The following LMBRD1 variants were observed in gnomAD, a reference collection of about 807,000 sequenced individuals.
LMBRD1 encodes the protein lysosomal cobalamin transport escort protein LMBD1.
In LMBRD1, 64 loss-of-function variants were observed where a neutral mutation model predicts 74.8. That is an observed-to-expected ratio of 0.86 (90% CI 0.70 to 1.05). LMBRD1 has a LOEUF of 1.05. LMBRD1 is among the 50% of genes least tolerant of loss of function. LMBRD1 has a pLI of 0.00. For synonymous variants in LMBRD1, 204 were observed against 216.3 expected, an observed-to-expected ratio of 0.94 and a Z score of 0.50; for missense variants, 652 against 645.9, an observed-to-expected ratio of 1.01 and a Z score of -0.10.
At chr6:69,767,764 G>C (rs1765500696) in intron 3 of LMBRD1, among the ~76,000 whole-genome samples, 1 of 151,742 alleles carries the variant, frequency 6.6e-6, no homozygotes, top group African/African-American at 2.4e-5. Context: ...TGTTCTATCA[G>C]AAAACAATTA....
chr6:69,749,345 C>A lies in LMBRD1; in HGVS notation c.469G>T (p.Val157Phe), dbSNP rs765729709. 4 of 1,602,528 alleles carry A rather than the reference C, an allele frequency of 2.5e-6. No individual in the cohort carries two copies. The highest frequency in any genetic ancestry group is 3.4e-6 in the Non-Finnish European group (4 of 1,174,712). Reference protein sequence around the residue: ...FVVICALLLLVGAFVPLNVPN... With the variant: ...FVVICALLLLFGAFVPLNVPN... ...AAAAAAAAAATCAAGACTTACCCAA[C>A]TAAAAGAAGCAGTGCACAAATCACA... Residue 157 changes from valine to phenylalanine, a missense_variant, in exon 5 of 16, where the codon GTT (valine) becomes TTT (phenylalanine). This residue lies in a region of LMBRD1 where 598 missense variants were observed against 581.8 expected (regional missense o/e 1.03). Transcript: ENST00000649934.
rs1018596972 is a variant in LMBRD1 at position 69,721,200 on chromosome 6, T to G, written c.637-2119A>C. Among the ~76,000 whole-genome samples, 3 of 152,276 alleles carry G rather than the reference T, an allele frequency of 2.0e-5. No homozygotes were observed. The East Asian group carries it at 5.8e-4, about 29-fold the overall frequency. Reference sequence around the variant, plus strand: ...AGGACTGCAATTCCTAGGCAACTCCTAGTGCTAGGCTGGGCTTACAGTGGA... The same window carrying G: ...AGGACTGCAATTCCTAGGCAACTCCGAGTGCTAGGCTGGGCTTACAGTGGA... On this transcript the variant is annotated intron_variant, in intron 7 of 15. Transcript: ENST00000649934.
At chr6:69,699,831 G>A (rs1766088102) in intron 12 of LMBRD1, among the ~76,000 whole-genome samples, 1 of 151,704 alleles carries the variant, frequency 6.6e-6, no homozygotes, top group South Asian at 2.1e-4. Flanking sequence ...TTGTAGTACA[G>A]ACTCCAGTTC....
At chr6:69,741,745 A>G in intron 6 of LMBRD1, 44 bp downstream of exon 6, 2 of 1,161,006 alleles carry the variant, frequency 1.7e-6, no homozygotes, top group Non-Finnish European at 2.6e-6. Flanking sequence ...CCAAAGTATC[A>G]GGAAATATAA....
At chr6:69,796,762 C>G (rs765240455) in intron 1 of LMBRD1, 51 bp downstream of exon 1, 1 of 1,569,560 alleles carries the variant, frequency 6.4e-7, no homozygotes, top group South Asian at 1.1e-5. Flanking sequence ...GCCTGCCCCT[C>G]CCTTCCTCCC....
intron 3 of LMBRD1, among the ~76,000 whole-genome samples, chr6:69,768,622 A>G (rs1765518460): frequency 6.6e-6 from 1 of 152,008 alleles, no homozygotes; most frequent in Non-Finnish European, 1.5e-5. Flanking sequence ...TAAGAAAAGG[A>G]GAAAAAATAT....
At chr6:69,713,342 A>C (rs1482131534) in intron 9 of LMBRD1, among the ~76,000 whole-genome samples, 1 of 152,162 alleles carries the variant, frequency 6.6e-6, no homozygotes. Flanking sequence ...TAGGCTCCTA[A>C]GCTCTAAGTC....
At chr6:69,705,671 A>G (rs1163041520) in intron 9 of LMBRD1, 14 of 880,954 alleles carry the variant, frequency 1.6e-5, no homozygotes, top group Non-Finnish European at 2.4e-5. Flanking sequence ...CATCATCATC[A>G]TCATCTTCAT....
At chr6:69,754,297 C>T (rs190010311) in intron 3 of LMBRD1, among the ~76,000 whole-genome samples, 23 of 151,872 alleles carry the variant, frequency 1.5e-4, no homozygotes, top group Admixed American at 8.5e-4. Flanking sequence ...AAAAAAAATA[C>T]GGAAAAAATG....
Position 69,752,254 on chromosome 6 carries a change from C to G in LMBRD1, c.405+5G>C. 5 of 1,607,318 alleles carry G rather than the reference C, an allele frequency of 3.1e-6. No individual in the cohort carries two copies. The highest frequency in any genetic ancestry group is 4.3e-6 in the Non-Finnish European group (5 of 1,174,926). On this transcript the variant is annotated splice_donor_5th_base_variant and intron_variant, in intron 4 of 15. Transcript: ENST00000649934. ...AACTAAGGCCTCTAAAATAAAGATA[C>G]TTACAGTACATTTACTAGTATCATC... is the stretch of plus-strand genomic sequence containing the variant.
intron 3 of LMBRD1, among the ~76,000 whole-genome samples, chr6:69,762,146 G>A (rs1458653900): frequency 6.6e-6 from 1 of 152,140 alleles, no homozygotes; most frequent in Non-Finnish European, 1.5e-5. Context: ...TGCGCATACT[G>A]CATTTTATTT....
chr6:69,780,312 C>T (rs1046278476), intron 3 of LMBRD1, among the ~76,000 whole-genome samples, 182 bp downstream of exon 3: 1 of 151,992 alleles, frequency 6.6e-6, no homozygotes, highest in Non-Finnish European at 1.5e-5. Flanking sequence ...GAGCTTATTT[C>T]TTTCTTCCCC....
At chr6:69,729,277 C>T (rs1562101895) in intron 7 of LMBRD1, among the ~76,000 whole-genome samples, 1 of 149,658 alleles carries the variant, frequency 6.7e-6, no homozygotes, top group African/African-American at 2.5e-5. Context: ...GGTTTAATTA[C>T]AATACGTCTG....
intron 3 of LMBRD1, among the ~76,000 whole-genome samples, chr6:69,758,573 G>A (rs181781857): frequency 1.3e-5 from 2 of 152,206 alleles, no homozygotes; most frequent in Non-Finnish European, 2.9e-5. Flanking sequence ...GGAGAGTAGA[G>A]AAGGAATGAA....
intron 14 of LMBRD1, among the ~76,000 whole-genome samples, chr6:69,693,397 T>A (rs1386378781): frequency 6.6e-6 from 1 of 152,038 alleles, no homozygotes; most frequent in Non-Finnish European, 1.5e-5. Flanking sequence ...GATCGCCTCA[T>A]ATATAAACAA....
chr6:69,755,397 C>T (rs1030784139), intron 3 of LMBRD1, among the ~76,000 whole-genome samples: 3 of 151,898 alleles, frequency 2.0e-5, no homozygotes, highest in African/African-American at 4.8e-5. Flanking sequence ...CACATGGACA[C>T]AGGGAGGGGA....
At chr6:69,749,293 T>A (rs770781586) in intron 5 of LMBRD1, 48 bp downstream of exon 5, 24 of 1,350,328 alleles carry the variant, frequency 1.8e-5, no homozygotes, top group African/African-American at 4.6e-5. Flanking sequence ...TTTTTTCAAA[T>A]AATTCTATTT....
intron 3 of LMBRD1, among the ~76,000 whole-genome samples, chr6:69,766,007 T>A (rs1765467491): frequency 6.6e-6 from 1 of 151,974 alleles, no homozygotes; most frequent in South Asian, 2.1e-4. Flanking sequence ...TCCCTGAAAT[T>A]TTCTACCTAT....
intron 14 of LMBRD1, among the ~76,000 whole-genome samples, chr6:69,694,382 C>T (rs1422163771): frequency 1.3e-5 from 2 of 152,104 alleles, no homozygotes; most frequent in Non-Finnish European, 2.9e-5. Context: ...TGTTTTCATC[C>T]AGCTAAATAT....
Sources: allele counts gnomAD v4.1 joint callset (sites outside exome capture counted in the v4.1 genomes callset), GRCh38; gene constraint gnomAD v4.1.1; regional missense constraint gnomAD v4.1.1; transcripts MANE v1.5; gene names NCBI Gene and HGNC (gene_info 2026-07-23, HGNC 2026-07-21).